The following NEGR1 variants were observed in gnomAD, a reference collection of about 807,000 sequenced individuals.
NEGR1 encodes IgLON family member 4.
Under a neutral mutation model 40.9 loss-of-function variants are expected in NEGR1, and 10 were observed. That is an observed-to-expected ratio of 0.24 (90% confidence interval 0.15 to 0.42). The LOEUF (loss-of-function observed/expected upper bound fraction) is 0.42, where lower values mean the gene tolerates loss of function less well. Among genes scored for constraint, NEGR1 ranks in the 10% least tolerant of loss-of-function variants. The probability of loss-of-function intolerance (pLI) is 1.00; values close to 1 mark genes in which losing one functional copy is unlikely to be tolerated. For synonymous variants in NEGR1, 185 were observed against 166.8 expected (o/e 1.11, Z -0.84); for missense variants, 352 against 438.9 (o/e 0.80, Z 1.77).
At chr1:71,691,480 G>A (rs1282810252) in intron 4 of NEGR1, among the ~76,000 whole-genome samples, 1 of 151,038 alleles carries the variant, frequency 6.6e-6, no homozygotes, top group East Asian at 1.9e-4. Flanking sequence ...TATCTCTTTT[G>A]GTTGGCATTG....
intron 6 of NEGR1, among the ~76,000 whole-genome samples, chr1:71,443,797 A>G (rs1436790112): frequency 6.6e-6 from 1 of 152,192 alleles, no homozygotes; most frequent in Non-Finnish European, 1.5e-5. Flanking sequence ...AGTAATGCTC[A>G]TTTGATTTTT....
intron 6 of NEGR1, among the ~76,000 whole-genome samples, chr1:71,448,411 C>G (rs533513595): frequency 6.6e-6 from 1 of 152,148 alleles, no homozygotes; most frequent in Non-Finnish European, 1.5e-5. Context: ...CCAGCCTGGC[C>G]AAGATGGCAA....
At chr1:71,578,843 T>C (rs1649041527) in intron 6 of NEGR1, among the ~76,000 whole-genome samples, 1 of 152,202 alleles carries the variant, frequency 6.6e-6, no homozygotes, top group Admixed American at 6.5e-5. Context: ...GTGAAGTAAT[T>C]ACTATTTCTT....
At chr1:72,146,905 T>C (rs560059914) in intron 1 of NEGR1, among the ~76,000 whole-genome samples, 7 of 152,230 alleles carry the variant, frequency 4.6e-5, no homozygotes, top group Non-Finnish European at 8.8e-5. Context: ...TAGTGAAATT[T>C]TGGGGAAGGT....
chr1:71,547,825 A>G (rs1354027319), intron 6 of NEGR1, among the ~76,000 whole-genome samples: 1 of 151,734 alleles, frequency 6.6e-6, no homozygotes, highest in Non-Finnish European at 1.5e-5. Context: ...GGATCGGTGT[A>G]TCTGACCAAA....
intron 1 of NEGR1, among the ~76,000 whole-genome samples, chr1:71,937,245 A>G (rs1366431513): frequency 6.6e-6 from 1 of 151,658 alleles, no homozygotes; most frequent in African/African-American, 2.4e-5. Flanking sequence ...TAAAGAAAAT[A>G]AAACCCCTTT....
chr1:71,748,734 T>C (rs1319941076), intron 3 of NEGR1, among the ~76,000 whole-genome samples: 1 of 152,104 alleles, frequency 6.6e-6, no homozygotes, highest in Non-Finnish European at 1.5e-5. Flanking sequence ...GCTCACATGA[T>C]GACATAATTT....
chr1:72,251,563 T>C (rs940559482), intron 1 of NEGR1, among the ~76,000 whole-genome samples: 60 of 152,282 alleles, frequency 3.9e-4, no homozygotes, highest in African/African-American at 1.3e-3. Context: ...CCTACCCTCA[T>C]CCTTCCATGT....
At chr1:72,111,539 C>T (rs1649371414) in intron 1 of NEGR1, among the ~76,000 whole-genome samples, 1 of 151,490 alleles carries the variant, frequency 6.6e-6, no homozygotes, top group Non-Finnish European at 1.5e-5. Flanking sequence ...AAGTATTAGG[C>T]ACAGTGTTAG....
chr1:72,032,760 A>C (rs1646870254), intron 1 of NEGR1, among the ~76,000 whole-genome samples: 1 of 152,188 alleles, frequency 6.6e-6, no homozygotes, highest in Non-Finnish European at 1.5e-5. Flanking sequence ...GCAGAGACTG[A>C]GAAACCTGAC....
chr1:71,499,504 T>TTA (rs1203671294), intron 6 of NEGR1, among the ~76,000 whole-genome samples: 2 of 148,158 alleles, frequency 1.3e-5, no homozygotes, highest in Non-Finnish European at 3.0e-5. Context: ...ATTGTATATG[T>TTA]TATATATATT....
chr1:72,140,362 G>A (rs1013673134), intron 1 of NEGR1, among the ~76,000 whole-genome samples: 2 of 152,016 alleles, frequency 1.3e-5, no homozygotes, highest in Non-Finnish European at 2.9e-5. Context: ...CACAGTTCTG[G>A]AGGCTAGGAA....
At chr1:71,782,604 C>T (rs1476856497) in intron 2 of NEGR1, among the ~76,000 whole-genome samples, 1 of 152,066 alleles carries the variant, frequency 6.6e-6, no homozygotes, top group Non-Finnish European at 1.5e-5. Context: ...TTGCCAGAAC[C>T]TGAGAGAGGG....
intron 2 of NEGR1, among the ~76,000 whole-genome samples, chr1:71,887,628 C>G (rs1041376342): frequency 6.6e-6 from 1 of 152,076 alleles, no homozygotes; most frequent in Non-Finnish European, 1.5e-5. Flanking sequence ...CTCAAACATT[C>G]ATCATTTCCT....
In NEGR1 at chr1:72,235,035, G is replaced by A. The variant is rs889479962; in HGVS notation, c.176+47284C>T. Among the ~76,000 whole-genome samples, 5 of 152,000 alleles carry A rather than the reference G, an allele frequency of 3.3e-5. No homozygotes were observed. In the South Asian group the frequency reaches 8.3e-4, roughly 25 times the overall value. ...TTAACCTGCCCAATAATGACAGACT[G>A]GATAAAGAAAATATGTTATATATAC... On this transcript the variant is annotated intron_variant, in intron 1 of 6. Transcript: ENST00000357731.
At chr1:72,118,634 G>T (rs1271643825) in intron 1 of NEGR1, among the ~76,000 whole-genome samples, 1 of 151,730 alleles carries the variant, frequency 6.6e-6, no homozygotes, top group Non-Finnish European at 1.5e-5. Flanking sequence ...GTCATTACTG[G>T]AGGGTTTTCC....
At chr1:71,459,337 G>A (rs1299895950) in intron 6 of NEGR1, among the ~76,000 whole-genome samples, 1 of 152,168 alleles carries the variant, frequency 6.6e-6, no homozygotes, top group Non-Finnish European at 1.5e-5. Flanking sequence ...TCACTAATCT[G>A]AGATGAGAGT....
At chr1:71,497,275 A>G (rs542727460) in intron 6 of NEGR1, among the ~76,000 whole-genome samples, 1 of 152,272 alleles carries the variant, frequency 6.6e-6, no homozygotes, top group East Asian at 1.9e-4. Flanking sequence ...TCAGTAAGCA[A>G]TGCACACAAT....
intron 6 of NEGR1, among the ~76,000 whole-genome samples, chr1:71,450,912 G>A (rs1569887930): frequency 1.3e-5 from 2 of 151,796 alleles, no homozygotes; most frequent in African/African-American, 2.4e-5. Context: ...ATTACTTACA[G>A]TGTGAAAAAA....
Sources: allele counts gnomAD v4.1 joint callset (sites outside exome capture counted in the v4.1 genomes callset), GRCh38; gene constraint gnomAD v4.1.1; transcripts MANE v1.5; gene names NCBI Gene and HGNC (gene_info 2026-07-23, HGNC 2026-07-21).